The following MORC1 variants were observed in gnomAD, a reference collection of about 807,000 sequenced individuals.
MORC1 encodes MORC family CW-type zinc finger 1, also known as MORC family CW-type zinc finger protein 1.
Under a neutral mutation model 134.9 loss-of-function variants are expected in MORC1, and 59 were observed. That is an observed-to-expected ratio of 0.44 (90% confidence interval 0.35 to 0.54). MORC1 has a LOEUF of 0.54. MORC1 is among the 20% of genes least tolerant of loss of function. The pLI, the probability that MORC1 is intolerant of heterozygous loss-of-function variation, is 0.00. For missense variants in MORC1, 947 were observed against 1,134.5 expected, an observed-to-expected ratio of 0.83 and a Z score of 2.37; for synonymous variants, 395 against 391.7, an observed-to-expected ratio of 1.01 and a Z score of -0.10.
At chr3:109,042,907 G>GT (rs1240606583) in intron 14 of MORC1, among the ~76,000 whole-genome samples, 1 of 152,000 alleles carries the variant, frequency 6.6e-6, no homozygotes, top group Non-Finnish European at 1.5e-5. Context: ...TAGAATGATG[G>GT]TTACCAGAGG....
At chr3:109,114,066 C>T (rs1951223654) in intron 2 of MORC1, among the ~76,000 whole-genome samples, 3 of 152,120 alleles carry the variant, frequency 2.0e-5, no homozygotes, top group Admixed American at 2.0e-4. Context: ...AATAAATGCC[C>T]AAATACATGT....
intron 14 of MORC1, among the ~76,000 whole-genome samples, chr3:109,048,285 TAAG>T (rs1640087271): frequency 6.6e-6 from 1 of 152,182 alleles, no homozygotes; most frequent in African/African-American, 2.4e-5. Context: ...TTTATTATAT[TAAG>T]AAGGTAATAA....
At chr3:108,968,298 C>T (rs1023323444) in intron 26 of MORC1, among the ~76,000 whole-genome samples, 4 of 152,156 alleles carry the variant, frequency 2.6e-5, no homozygotes, top group African/African-American at 9.7e-5. Context: ...CCAATAATTA[C>T]ACCTCCCCTT....
At chr3:109,091,616 T>C (rs1243227243) in intron 8 of MORC1, among the ~76,000 whole-genome samples, 5 of 151,756 alleles carry the variant, frequency 3.3e-5, no homozygotes, top group Non-Finnish European at 1.5e-5. Context: ...CCCGAGGAGG[T>C]GGTGATACTA....
At chr3:109,058,357 G>C (rs1251086315) in intron 12 of MORC1, among the ~76,000 whole-genome samples, 1 of 152,088 alleles carries the variant, frequency 6.6e-6, no homozygotes, top group African/African-American at 2.4e-5. Flanking sequence ...GCCTGGAACA[G>C]ATTAGGTATA....
intron 17 of MORC1, among the ~76,000 whole-genome samples, chr3:109,013,262 C>T (rs2197741): frequency 0.9 from 136,815 of 152,120 alleles, 62,712 homozygotes; most frequent in East Asian, 1. Flanking sequence ...TTAGATGCTA[C>T]ACTAGTTTGT....
chr3:109,072,349 C>T (rs1455634067), intron 8 of MORC1, among the ~76,000 whole-genome samples: 1 of 152,128 alleles, frequency 6.6e-6, no homozygotes, highest in African/African-American at 2.4e-5. Flanking sequence ...CGGTATACAA[C>T]TTGAAACTGC....
intron 6 of MORC1, 118 bp downstream of exon 6, chr3:109,099,240 A>G (rs1950881655): frequency 1.4e-6 from 1 of 695,582 alleles, no homozygotes; most frequent in Non-Finnish European, 2.3e-6. Context: ...TTTCCCAAAC[A>G]TATTCCTAAG....
chr3:109,058,212 A>G (rs1384424997), intron 12 of MORC1, among the ~76,000 whole-genome samples: 1 of 152,184 alleles, frequency 6.6e-6, no homozygotes, highest in Non-Finnish European at 1.5e-5. Context: ...TTTCAAATAC[A>G]AGCCTGTCTT....
At chr3:109,052,192 C>A (rs1003150305) in intron 14 of MORC1, among the ~76,000 whole-genome samples, 1 of 152,026 alleles carries the variant, frequency 6.6e-6, no homozygotes, top group African/African-American at 2.4e-5. Context: ...ATACCTTACA[C>A]GTTTTCTACA....
intron 1 of MORC1, among the ~76,000 whole-genome samples, chr3:109,116,685 C>T (rs1951282004): frequency 6.6e-6 from 1 of 152,094 alleles, no homozygotes; most frequent in African/African-American, 2.4e-5. Flanking sequence ...AAGGCTGAGG[C>T]TGGAGGATCA....
intron 10 of MORC1, 77 bp from the exon 11 acceptor site, chr3:109,062,135 T>C (rs957316076): frequency 1.5e-5 from 19 of 1,295,936 alleles, no homozygotes; most frequent in Middle Eastern, 2.2e-4. Context: ...TCTATACATG[T>C]AGCATGACCA....
intron 24 of MORC1, among the ~76,000 whole-genome samples, chr3:108,973,602 T>G (rs1032407454): frequency 7.4e-5 from 11 of 149,602 alleles, no homozygotes; most frequent in African/African-American, 1.2e-4. Context: ...TTGGTTTTTT[T>G]TTTTTTTTTT....
At chr3:108,997,651 A>G (rs1208858753) in intron 21 of MORC1, among the ~76,000 whole-genome samples, 1 of 152,232 alleles carries the variant, frequency 6.6e-6, no homozygotes, top group Admixed American at 6.5e-5. Flanking sequence ...TAAATAAAAC[A>G]TAACAGTGAG....
intron 17 of MORC1, among the ~76,000 whole-genome samples, chr3:109,027,334 T>C (rs1336231278): frequency 6.6e-6 from 1 of 152,236 alleles, no homozygotes; most frequent in South Asian, 2.1e-4. Context: ...GTTAATAGGT[T>C]AATGTTTTTT....
chr3:108,975,530 C>A (rs1947524332), intron 24 of MORC1, among the ~76,000 whole-genome samples: 1 of 152,126 alleles, frequency 6.6e-6, no homozygotes, highest in South Asian at 2.1e-4. Flanking sequence ...CAGTTAAGAG[C>A]AAGGACTGTG....
chr3:108,976,961 A>C (rs572140847), intron 24 of MORC1, among the ~76,000 whole-genome samples: 5 of 152,366 alleles, frequency 3.3e-5, no homozygotes, highest in Admixed American at 1.3e-4. Flanking sequence ...ACAAATAAAA[A>C]TTAGCCAAGA....
chr3:109,012,896 T>C (rs551333435), intron 17 of MORC1, among the ~76,000 whole-genome samples: 2 of 152,176 alleles, frequency 1.3e-5, no homozygotes, highest in Non-Finnish European at 2.9e-5. Context: ...CTTTTCTTTC[T>C]TTTTCTCTCT....
intron 24 of MORC1, among the ~76,000 whole-genome samples, chr3:108,976,349 C>T (rs1261040572): frequency 1.3e-5 from 2 of 152,262 alleles, no homozygotes; most frequent in Admixed American, 1.3e-4. Context: ...ATATGGTAAA[C>T]AATTCTGAGT....
Sources: allele counts gnomAD v4.1 joint callset (sites outside exome capture counted in the v4.1 genomes callset), GRCh38; gene constraint gnomAD v4.1.1; transcripts MANE v1.5; gene names NCBI Gene and HGNC (gene_info 2026-07-23, HGNC 2026-07-21).